The following CLEC16A variants were observed in gnomAD, a reference collection of about 807,000 sequenced individuals.
CLEC16A encodes the protein C-type lectin domain containing 16A.
A neutral mutation model predicts 109.5 loss-of-function variants in CLEC16A; 51 were observed. The observed-to-expected ratio is 0.47, with a 90% CI of 0.37 to 0.59. The LOEUF (loss-of-function observed/expected upper bound fraction) is 0.59, where lower values mean the gene tolerates loss of function less well. Ranked by LOEUF, CLEC16A falls within the 20% of genes least tolerant of loss-of-function variation. CLEC16A has a pLI of 0.00. For missense variants in CLEC16A, 1,339 were observed against 1,394.0 expected (o/e 0.96, Z 0.63); for synonymous variants, 673 against 564.2 (o/e 1.19, Z -2.73).
intron 11 of CLEC16A, among the ~76,000 whole-genome samples, chr16:11,016,793 A>G (rs558430534): frequency 1.9e-4 from 29 of 152,260 alleles, no homozygotes; most frequent in African/African-American, 6.5e-4. Context: ...ATTTTCTTCC[A>G]ATGCACAATG....
chr16:11,152,223 C>T (rs1473900083), intron 22 of CLEC16A, among the ~76,000 whole-genome samples: 7 of 152,296 alleles, frequency 4.6e-5, no homozygotes, highest in Non-Finnish European at 1.0e-4. Flanking sequence ...AGCCTTAGGC[C>T]GGTCATCTGG....
At chr16:11,099,741 G>C (rs934041229) in intron 19 of CLEC16A, among the ~76,000 whole-genome samples, 2 of 152,220 alleles carry the variant, frequency 1.3e-5, no homozygotes, top group African/African-American at 4.8e-5. Context: ...TCCTCACCCA[G>C]GTGCGAGGAC....
chr16:11,001,649 C>G (rs9940155), intron 10 of CLEC16A, among the ~76,000 whole-genome samples: 16,445 of 152,092 alleles, frequency 0.11, 920 homozygotes, highest in African/African-American at 0.13. Context: ...GAAGCATGAA[C>G]CACAGTTGAC....
Position 11,051,570 on chromosome 16 carries a change from A to G in CLEC16A, c.1924A>G (p.Thr642Ala), listed in dbSNP as rs1313159683. The G allele has an allele frequency of 1.9e-6, 3 of 1,613,872 alleles. No individual in the cohort carries two copies. Among genetic ancestry groups the G allele is most frequent in the South Asian group, 1.1e-5 (1 of 91,090 alleles). Residue 642 changes from threonine (T) to alanine (A), a missense_variant, in exon 18 of 24, where the codon ACA becomes GCA. Thr to Ala is a moderately conservative substitution (Grantham distance 58). Coordinates refer to ENST00000409790, the MANE Select transcript of CLEC16A (RefSeq NM_015226.3). ...GGACGCCTCCATCCTGCTGCCCCCA[A>G]CAGGCACGCCACTGACGGGCATTGA... ...MMDASILLPP[T>A]GTPLTGIDFV...
intron 19 of CLEC16A, among the ~76,000 whole-genome samples, chr16:11,066,338 G>T (rs1302703228): frequency 6.6e-6 from 1 of 152,036 alleles, no homozygotes; most frequent in East Asian, 1.9e-4. Context: ...GTTTGCAGTG[G>T]CGATGCCAGA....
intron 20 of CLEC16A, among the ~76,000 whole-genome samples, chr16:11,122,505 G>C (rs2052498045): frequency 6.6e-6 from 1 of 152,060 alleles, no homozygotes; most frequent in African/African-American, 2.4e-5. Context: ...CTTCCAATGG[G>C]TGCTATTTGT....
intron 11 of CLEC16A, among the ~76,000 whole-genome samples, chr16:11,010,625 T>G (rs887640434): frequency 6.6e-6 from 1 of 152,194 alleles, no homozygotes; most frequent in Non-Finnish European, 1.5e-5. Context: ...GAGCATTTGC[T>G]AAGATTAAGG....
At chr16:11,085,087 C>A (rs1268180764) in intron 19 of CLEC16A, among the ~76,000 whole-genome samples, 1 of 152,222 alleles carries the variant, frequency 6.6e-6, no homozygotes, top group African/African-American at 2.4e-5. Flanking sequence ...AGCCCCTCTT[C>A]CCCAGGAGCC....
At chr16:10,944,929 G>T in intron 1 of CLEC16A, 132 bp downstream of exon 1, 2 of 848,230 alleles carry the variant, frequency 2.4e-6, no homozygotes, top group South Asian at 1.8e-5. Context: ...TGGTGGTTAA[G>T]AGCGAGGGCT....
Position 11,024,842 on chromosome 16 carries a change from C to G in CLEC16A, c.1458C>G (p.Tyr486Ter). The G allele has an allele frequency of 6.2e-7, 1 of 1,605,286 alleles. No homozygotes were observed. The highest frequency in any genetic ancestry group is 8.5e-7 in the Non-Finnish European group (1 of 1,175,870). The change falls in exon 13 of 24, where the codon TAC becomes TAG. Residue 486 changes from tyrosine to a stop codon, truncating the protein, a stop_gained. Transcript: ENST00000409790. LOFTEE classifies it high-confidence loss of function. ...QWSRPFLDMV[Y>*]HALDSPDDDY... The stretch of plus-strand genomic sequence containing the variant: ...CCAGACCCTTCCTGGATATGGTGTA[C>G]CACGCGCTGGACAGCCCGGATGATG...
In CLEC16A at chr16:11,063,185, G is replaced by A. The variant is rs147305567; in HGVS notation, c.2116+2163G>A. On this transcript the variant is annotated intron_variant, in intron 19 of 23. Coordinates refer to ENST00000409790, the MANE Select transcript of CLEC16A (RefSeq NM_015226.3). The stretch of plus-strand genomic sequence containing the variant: ...AATTATGTCTTTTGCTAAGGAGGGC[G>A]ACTTTCAGAAAATAGTAGGGATTAT... Among the ~76,000 whole-genome samples, 39 of 151,888 alleles carry A rather than the reference G, an allele frequency of 2.6e-4. No individual in the cohort carries two copies. The East Asian group carries it at 6.6e-3, about 26-fold the overall frequency.
At chr16:11,022,097 G>A (rs769558315) in intron 12 of CLEC16A, among the ~76,000 whole-genome samples, 2 of 152,238 alleles carry the variant, frequency 1.3e-5, no homozygotes, top group South Asian at 4.2e-4. Flanking sequence ...GAAGCACATG[G>A]CTTCTAATGG....
At chr16:11,060,788 T>C in intron 18 of CLEC16A, 114 bp from the exon 19 acceptor site, 2 of 1,131,194 alleles carry the variant, frequency 1.8e-6, no homozygotes, top group South Asian at 4.1e-5. Context: ...GTGGGCTTTA[T>C]TGCGTTTCTT....
At chr16:11,128,123 G>C (rs1181752206) in intron 22 of CLEC16A, among the ~76,000 whole-genome samples, 1 of 152,190 alleles carries the variant, frequency 6.6e-6, no homozygotes, top group Non-Finnish European at 1.5e-5. Context: ...GCGTCTTTCA[G>C]TTTCGGAACT....
At chr16:10,964,662 G>A (rs972888097) in intron 3 of CLEC16A, among the ~76,000 whole-genome samples, 2 of 152,178 alleles carry the variant, frequency 1.3e-5, no homozygotes, top group South Asian at 2.1e-4. Flanking sequence ...AGCTAGGCAC[G>A]GGGTGACTGG....
chr16:10,987,083 T>C (rs1188263176), intron 10 of CLEC16A, among the ~76,000 whole-genome samples: 1 of 152,142 alleles, frequency 6.6e-6, no homozygotes, highest in South Asian at 2.1e-4. Context: ...CTTGAACTTC[T>C]GGCCTCAAGT....
chr16:11,075,407 T>TGG, intron 19 of CLEC16A, among the ~76,000 whole-genome samples: 1 of 136,812 alleles, frequency 7.3e-6, no homozygotes, highest in South Asian at 2.4e-4. Flanking sequence ...TGTGTGTGTG[T>TGG]GTGTCTGTGT....
intron 23 of CLEC16A, among the ~76,000 whole-genome samples, chr16:11,169,166 C>G (rs1006813583): frequency 6.6e-6 from 1 of 152,234 alleles, no homozygotes; most frequent in African/African-American, 2.4e-5. Flanking sequence ...GCGATCCCGT[C>G]TCTGTGATTA....
Position 11,026,980 on chromosome 16 carries a change from A to G in CLEC16A, c.1537+2059A>G, listed in dbSNP as rs77529222. The G allele has an allele frequency of 3.1e-4, 471 of 1,542,134 alleles. 1 individual carries two copies. The Middle Eastern group carries it at 4.2e-3, about 14-fold the overall frequency. On this transcript the variant is annotated intron_variant, in intron 13 of 23. Transcript: ENST00000409790. ...AAACAGCGCGCGTGCTGTCTTTCCCATGTGGTGGGGTTGCGCATGATCAGT... is the reference window on the plus strand; with the variant it reads ...AAACAGCGCGCGTGCTGTCTTTCCCGTGTGGTGGGGTTGCGCATGATCAGT...
Sources: gnomAD v4.1 joint callset for allele counts (sites outside exome capture counted in the v4.1 genomes callset) on GRCh38, gnomAD v4.1.1 for gene constraint, MANE v1.5 for transcripts, NCBI Gene and HGNC (gene_info 2026-07-23, HGNC 2026-07-21) for gene names.